The following CDC42BPB variants were observed in gnomAD, a reference collection of about 807,000 sequenced individuals.
CDC42BPB encodes the protein serine/threonine-protein kinase MRCK beta.
In CDC42BPB, 37 loss-of-function variants were observed where a neutral mutation model predicts 214.9. The observed-to-expected ratio is 0.17, with a 90% CI of 0.13 to 0.23. CDC42BPB has a LOEUF of 0.23. Among genes scored for constraint, CDC42BPB ranks in the 10% least tolerant of loss-of-function variants. The probability of loss-of-function intolerance (pLI) is 1.00; values close to 1 mark genes in which losing one functional copy is unlikely to be tolerated. For synonymous variants in CDC42BPB, 931 were observed against 884.0 expected (o/e 1.05, Z -0.94); for missense variants, 1,694 against 2,227.0 (o/e 0.76, Z 4.82).
At chr14:103,038,341 CAAA>C (rs1267070540) in intron 1 of CDC42BPB, among the ~76,000 whole-genome samples, 3 of 82,450 alleles carry the variant, frequency 3.6e-5, no homozygotes. Context: ...GACTCTGTCT[CAAA>C]AAAAAAAAAA....
At chr14:102,959,008 C>T (rs1267700532) in intron 21 of CDC42BPB, among the ~76,000 whole-genome samples, 5 of 147,190 alleles carry the variant, frequency 3.4e-5, no homozygotes, top group Non-Finnish European at 7.5e-5. Flanking sequence ...TTGAAATAAT[C>T]GCTACAGGCT....
chr14:102,989,016 T>C (rs767180693), intron 5 of CDC42BPB, among the ~76,000 whole-genome samples: 10 of 151,488 alleles, frequency 6.6e-5, no homozygotes, highest in Admixed American at 2.6e-4. Flanking sequence ...AAATGGCAAA[T>C]TGGGGAAAAA....
Position 103,041,831 on chromosome 14 carries a change from A to G in CDC42BPB, c.175+15168T>C, listed in dbSNP as rs951477054. 7.0e-5 allele frequency: 29 copies of G among 413,884 alleles called. No homozygotes were observed. The Admixed American group carries it at 7.1e-4, about 10-fold the overall frequency. The allele number at this position is 413,884 out of a possible 1,614,324, so 25.6% of individuals were successfully genotyped here. A position where few individuals can be genotyped will look rare whatever the true frequency, so the allele number is the denominator to read the frequency against. On this transcript the variant is annotated intron_variant, in intron 1 of 36. Coordinates refer to ENST00000361246, the MANE Select transcript of CDC42BPB (RefSeq NM_006035.4). ...CGGCGGCTGAAGGAGCACCACTCCA[A>G]CCTCACCCTCTACCCCAGGAAGCCC...
chr14:103,048,261 C>T (rs1418626113), intron 1 of CDC42BPB, among the ~76,000 whole-genome samples: 2 of 151,918 alleles, frequency 1.3e-5, no homozygotes, highest in East Asian at 1.9e-4. Context: ...AAAGAAAATT[C>T]GGCCGGGAGC....
chr14:102,952,739 C>G, intron 23 of CDC42BPB, 136 bp from the exon 24 acceptor site: 1 of 1,461,334 alleles, frequency 6.8e-7, no homozygotes, highest in Non-Finnish European at 9.1e-7. Context: ...TGGTCTTGGT[C>G]TACGTGTTCC....
chr14:102,981,137 G>C, intron 7 of CDC42BPB, 116 bp from the exon 8 acceptor site: 1 of 1,511,992 alleles, frequency 6.6e-7, no homozygotes, highest in East Asian at 2.3e-5. Flanking sequence ...GTCACTTCAT[G>C]GGAACTAAAT....
Position 103,004,153 on chromosome 14 carries a change from G to A in CDC42BPB, c.352-130C>T, listed in dbSNP as rs887439158. The A allele has an allele frequency of 1.7e-5, 24 of 1,401,780 alleles. No homozygotes were observed. The East Asian group carries it at 4.4e-4, about 26-fold the overall frequency. 86.8% of individuals were successfully genotyped at this position (1,401,780 alleles called of 1,614,324 possible). ...GTCCCTGCCTTCCGGGCTCCTCCTC[G>A]TGCACCACCCCGAGGCTGCTGAGGC... is the stretch of plus-strand genomic sequence containing the variant. On this transcript the variant is annotated intron_variant, in intron 3 of 36. Coordinates refer to ENST00000361246, the MANE Select transcript of CDC42BPB (RefSeq NM_006035.4). This position sits in a 1 kb window ranked among gnomAD's most constrained non-coding sequence, Gnocchi z 5.3.
chr14:102,964,685 T>C (rs1893115091), intron 18 of CDC42BPB, 35 bp from the exon 19 acceptor site: 1 of 1,570,580 alleles, frequency 6.4e-7, no homozygotes, highest in African/African-American at 1.4e-5. Flanking sequence ...AAATGCATTT[T>C]CAGTTATCCG....
At chr14:102,979,946 T>C (rs1302545890) in intron 8 of CDC42BPB, among the ~76,000 whole-genome samples, 1 of 152,198 alleles carries the variant, frequency 6.6e-6, no homozygotes, top group Admixed American at 6.5e-5. Flanking sequence ...ACTCAAAATC[T>C]GCTATTATCA....
chr14:102,982,290 A>G (rs948294309), intron 7 of CDC42BPB, among the ~76,000 whole-genome samples: 1 of 152,206 alleles, frequency 6.6e-6, no homozygotes, highest in African/African-American at 2.4e-5. Context: ...TTGGAGTTAA[A>G]TGGAAAACCA....
chr14:102,942,840 G>T (rs942250879), intron 30 of CDC42BPB, among the ~76,000 whole-genome samples: 1 of 152,072 alleles, frequency 6.6e-6, no homozygotes, highest in Non-Finnish European at 1.5e-5. Flanking sequence ...GAGTAGCTGG[G>T]ACTACAGGCA....
intron 24 of CDC42BPB, 115 bp downstream of exon 24, chr14:102,952,383 A>T: frequency 1.5e-6 from 1 of 645,476 alleles, no homozygotes. Context: ...TGCCAATGAC[A>T]TTTCACTTTA....
Position 102,983,741 on chromosome 14 carries a change from C to T in CDC42BPB, c.706G>A (p.Ala236Thr). Reference sequence around the variant, plus strand: ...GAGATGTAGTCAGGTGTGCCCACGGCCACGGAGGACTGCACCTTAGGGGAG... The same window carrying T: ...GAGATGTAGTCAGGTGTGCCCACGGTCACGGAGGACTGCACCTTAGGGGAG... ...NDDGTVQSSV[A>T]VGTPDYISPE... Residue 236 changes from alanine to threonine, a missense_variant, in exon 7 of 37, where the codon GCC (alanine) becomes ACC (threonine). By Grantham distance (58) the Ala-to-Thr change is moderately conservative. Around this residue, in one of 7 missense-constraint regions of CDC42BPB, gnomAD observed 225 missense variants for 459.3 expected, o/e 0.49. Transcript: ENST00000361246. The T allele has an allele frequency of 6.2e-7, 1 of 1,613,050 alleles. No homozygotes were observed. Among genetic ancestry groups the T allele is most frequent in the Non-Finnish European group, 8.5e-7 (1 of 1,180,012 alleles).
At chr14:102,937,627 T>C (rs576234214) in intron 36 of CDC42BPB, among the ~76,000 whole-genome samples, 1 of 152,292 alleles carries the variant, frequency 6.6e-6, no homozygotes, top group Admixed American at 6.5e-5. Flanking sequence ...CAGGGGAAAC[T>C]GAGGCCAGAG....
At chr14:102,997,737 G>A (rs1028877452) in intron 5 of CDC42BPB, among the ~76,000 whole-genome samples, 1 of 152,242 alleles carries the variant, frequency 6.6e-6, no homozygotes, top group Non-Finnish European at 1.5e-5. Flanking sequence ...AGAAGTTTAT[G>A]TAAGTGTAGT....
chr14:103,031,168 T>C (rs780779060), intron 1 of CDC42BPB, among the ~76,000 whole-genome samples: 21 of 151,918 alleles, frequency 1.4e-4, no homozygotes, highest in Non-Finnish European at 2.5e-4. Context: ...AAAAAGTACA[T>C]GACCCAGACA....
chr14:103,048,921 T>G (rs912363790), intron 1 of CDC42BPB, among the ~76,000 whole-genome samples: 3 of 150,386 alleles, frequency 2.0e-5, no homozygotes, highest in Non-Finnish European at 3.0e-5. Flanking sequence ...GAAAAGAAAA[T>G]AAAGAAAATT....
chr14:102,935,527 C>T (rs527851280), intron 36 of CDC42BPB, among the ~76,000 whole-genome samples: 41 of 152,268 alleles, frequency 2.7e-4, no homozygotes, highest in African/African-American at 7.2e-4. Flanking sequence ...TAGTGCCTCA[C>T]GCCTGTAATC....
chr14:102,970,904 G>A (rs34671548), intron 13 of CDC42BPB, among the ~76,000 whole-genome samples: 2 of 152,226 alleles, frequency 1.3e-5, no homozygotes, highest in Admixed American at 6.5e-5. Flanking sequence ...AGGAACAGGA[G>A]CATGTGCTTC....
Sources: allele counts gnomAD v4.1 joint callset (sites outside exome capture counted in the v4.1 genomes callset), GRCh38; gene constraint gnomAD v4.1.1; regional missense constraint gnomAD v4.1.1; non-coding constraint Gnocchi (gnomAD v3.1); transcripts MANE v1.5; gene names NCBI Gene and HGNC (gene_info 2026-07-23, HGNC 2026-07-21).